METAP1D: variants seen among roughly 807,000 people sequenced by gnomAD.
METAP1D encodes the protein methionine aminopeptidase 1D, mitochondrial.
METAP1D carries 31 observed loss-of-function variants against 40.5 expected under a neutral mutation model. The observed-to-expected ratio is 0.77, with a 90% CI of 0.58 to 1.03. METAP1D has a LOEUF of 1.03. METAP1D is among the 50% of genes least tolerant of loss of function. METAP1D has a pLI of 0.00. For missense variants in METAP1D, 411 were observed against 420.7 expected (o/e 0.98, Z 0.20); for synonymous variants, 151 against 146.4 (o/e 1.03, Z -0.22).
chr2:172,047,080 C>T (rs529815559), intron 1 of METAP1D, among the ~76,000 whole-genome samples: 2 of 152,210 alleles, frequency 1.3e-5, no homozygotes, highest in East Asian at 3.9e-4. Context: ...ACAGTTCACA[C>T]GGCGTGCTTT....
chr2:172,057,863 CATA>C (rs985017533), intron 1 of METAP1D, among the ~76,000 whole-genome samples: 10 of 152,018 alleles, frequency 6.6e-5, no homozygotes, highest in African/African-American at 2.4e-4. Flanking sequence ...GTAATTGAGG[CATA>C]ATAAGTGTTC....
intron 1 of METAP1D, among the ~76,000 whole-genome samples, chr2:172,000,409 C>T (rs1459370665): frequency 6.6e-6 from 1 of 152,170 alleles, no homozygotes; most frequent in African/African-American, 2.4e-5. Flanking sequence ...AGCTTTTATG[C>T]AGGCATGCTT....
At chr2:172,010,637 C>T (rs1688695259) in intron 1 of METAP1D, among the ~76,000 whole-genome samples, 2 of 150,854 alleles carry the variant, frequency 1.3e-5, no homozygotes, top group South Asian at 2.1e-4. Flanking sequence ...AGATTGTAGG[C>T]GTGTGCCACC....
At chr2:172,049,813 G>A (rs1248423027) in intron 1 of METAP1D, among the ~76,000 whole-genome samples, 2 of 152,140 alleles carry the variant, frequency 1.3e-5, no homozygotes, top group Non-Finnish European at 2.9e-5. Context: ...TTTTCCTGAA[G>A]CATTAGCTTT....
intron 1 of METAP1D, among the ~76,000 whole-genome samples, chr2:172,037,317 G>T (rs1375045591): frequency 2.0e-5 from 3 of 151,684 alleles, no homozygotes; most frequent in Non-Finnish European, 4.4e-5. Context: ...GTGTGTGTGT[G>T]AATATTTCAG....
At chr2:172,047,087 C>A (rs758965289) in intron 1 of METAP1D, among the ~76,000 whole-genome samples, 7 of 152,042 alleles carry the variant, frequency 4.6e-5, no homozygotes, top group Non-Finnish European at 8.8e-5. Context: ...ACACGGCGTG[C>A]TTTGGTTTAT....
At chr2:172,052,050 A>G (rs561366573) in intron 1 of METAP1D, among the ~76,000 whole-genome samples, 1 of 152,312 alleles carries the variant, frequency 6.6e-6, no homozygotes, top group Non-Finnish European at 1.5e-5. Flanking sequence ...GTGAAGTAGA[A>G]TATTTATTTC....
intron 6 of METAP1D, among the ~76,000 whole-genome samples, chr2:172,076,523 C>A (rs1690549519): frequency 1.3e-5 from 2 of 152,206 alleles, no homozygotes; most frequent in Admixed American, 6.5e-5. Flanking sequence ...CCTTGACTTA[C>A]CGTTCCTGTC....
intron 1 of METAP1D, among the ~76,000 whole-genome samples, chr2:172,047,606 G>A (rs4611617): frequency 0.018 from 2,786 of 152,108 alleles, 54 homozygotes; most frequent in Admixed American, 0.068. Flanking sequence ...GCTAATTTTT[G>A]TATTTTTCAT....
chr2:172,007,290 C>A (rs1413592140), intron 1 of METAP1D, among the ~76,000 whole-genome samples: 3 of 151,900 alleles, frequency 2.0e-5, no homozygotes, highest in African/African-American at 7.3e-5. Flanking sequence ...CTGCCTCAGC[C>A]TTCCAAGTAG....
chr2:172,031,546 A>T (rs1190365795), intron 1 of METAP1D, among the ~76,000 whole-genome samples: 1 of 152,264 alleles, frequency 6.6e-6, no homozygotes, highest in Non-Finnish European at 1.5e-5. Context: ...TCATTCACAT[A>T]TGCTTTCTCT....
At chr2:172,013,045 CAG>C (rs1363539249) in intron 1 of METAP1D, among the ~76,000 whole-genome samples, 1 of 152,196 alleles carries the variant, frequency 6.6e-6, no homozygotes, top group Admixed American at 6.5e-5. Context: ...TAACTCTTAA[CAG>C]GGGATTTAGC....
chr2:172,033,085 A>AAT, intron 1 of METAP1D, among the ~76,000 whole-genome samples: 1 of 151,824 alleles, frequency 6.6e-6, no homozygotes, highest in Admixed American at 6.6e-5. Context: ...TAAATAAATA[A>AAT]AAATAAAAAA....
intron 7 of METAP1D, 63 bp from the exon 8 acceptor site, chr2:172,079,152 T>G: frequency 1.9e-6 from 3 of 1,546,830 alleles, no homozygotes; most frequent in Non-Finnish European, 2.7e-6. Flanking sequence ...ACCCCTGTAA[T>G]CTGTTTTTTT....
chr2:172,070,900 T>C lies in METAP1D; in HGVS notation c.541-7T>C, dbSNP rs761862336. On this transcript the variant is annotated splice_polypyrimidine_tract_variant and splice_region_variant and intron_variant, in intron 5 of 9. Transcript: ENST00000315796. ...GGACATATTTTTAAATTTCTGCTTATGTTTAGGTCTATTACAATGGCTACC... is the reference window on the plus strand; with the variant it reads ...GGACATATTTTTAAATTTCTGCTTACGTTTAGGTCTATTACAATGGCTACC... 6.3e-6 allele frequency: 10 copies of C among 1,588,184 alleles called. No individual in the cohort carries two copies. The highest frequency in any genetic ancestry group is 1.4e-5 in the African/African-American group (1 of 73,688).
intron 2 of METAP1D, among the ~76,000 whole-genome samples, chr2:172,062,328 T>C (rs1210745245): frequency 6.6e-6 from 1 of 152,218 alleles, no homozygotes; most frequent in Non-Finnish European, 1.5e-5. Context: ...ATTTAGTATG[T>C]TATACTTCTG....
chr2:172,013,468 G>A (rs1197688267), intron 1 of METAP1D, among the ~76,000 whole-genome samples: 1 of 152,202 alleles, frequency 6.6e-6, no homozygotes, highest in Non-Finnish European at 1.5e-5. Context: ...TCTGAGGGAA[G>A]ATGAAAGTGA....
At position 172,042,679 on chromosome 2, in the gene METAP1D, A is replaced by ATATGTGTACACATATACGTGTGTG. The variant is rs2105440966; in HGVS notation, c.41-18818_41-18817insATGTGTACACATATACGTGTGTGT. 1.0e-4 allele frequency among the ~76,000 whole-genome samples: 2 copies of ATATGTGTACACATATACGTGTGTG among 19,884 alleles called. 1 individual carries two copies. The highest frequency in any genetic ancestry group is 3.1e-4 in the African/African-American group (2 of 6,512). The allele number at this position is 19,884 out of a possible 152,430, so 13.0% of individuals were successfully genotyped here. On this transcript the variant is annotated intron_variant, in intron 1 of 9. Transcript: ENST00000315796. Reference sequence around the variant, plus strand: ...TATATGTGTACACATATACGTGTGTATGTGTATATGTGTACACATATACGT... The same window carrying ATATGTGTACACATATACGTGTGTG: ...TATATGTGTACACATATACGTGTGTATATGTGTACACATATACGTGTGTGTGTGTATATGTGTACACATATACGT...
intron 1 of METAP1D, among the ~76,000 whole-genome samples, chr2:172,024,740 C>T (rs1689084401): frequency 1.0e-5 from 1 of 98,958 alleles, no homozygotes; most frequent in African/African-American, 3.3e-5. Flanking sequence ...TTTTTAAAGA[C>T]ATATAGATTG....
Sources: allele counts gnomAD v4.1 joint callset (sites outside exome capture counted in the v4.1 genomes callset), GRCh38; gene constraint gnomAD v4.1.1; transcripts MANE v1.5; gene names NCBI Gene and HGNC (gene_info 2026-07-23, HGNC 2026-07-21).